Variants in ANK3 observed in about 807,000 individuals in gnomAD.
ANK3 encodes the protein ankyrin 3, also known as ankyrin-3.
Under a neutral mutation model 370.9 loss-of-function variants are expected in ANK3, and 57 were observed. The ratio of observed to expected loss-of-function variants is 0.15; its 90% CI spans 0.12 to 0.19. ANK3 has a LOEUF of 0.19. Among genes scored for constraint, ANK3 ranks in the 10% least tolerant of loss-of-function variants. The pLI is 1.00. For missense variants in ANK3, 4,439 were observed against 5,302.1 expected, an observed-to-expected ratio of 0.84 and a Z score of 5.06; for synonymous variants, 1,929 against 1,946.3, an observed-to-expected ratio of 0.99 and a Z score of 0.23.
chr10:60,502,058 A>G (rs147284060), intron 2 of ANK3, among the ~76,000 whole-genome samples: 267 of 152,028 alleles, frequency 1.8e-3, no homozygotes, highest in African/African-American at 6.1e-3. Flanking sequence ...AAATGACTAC[A>G]GGATACCCCA....
intron 2 of ANK3, among the ~76,000 whole-genome samples, chr10:60,472,976 C>T (rs1037466660): frequency 6.6e-6 from 1 of 152,158 alleles, no homozygotes; most frequent in Non-Finnish European, 1.5e-5. Context: ...ACAGTTCCCC[C>T]GTCCTTCCCC....
At chr10:60,370,212 C>T (rs1479480667) in intron 1 of ANK3, among the ~76,000 whole-genome samples, 9 of 152,092 alleles carry the variant, frequency 5.9e-5, no homozygotes, top group Non-Finnish European at 1.2e-4. Context: ...TAAGTGTAAT[C>T]GTGCCTATTT....
At position 60,073,461 on chromosome 10, in the gene ANK3, C is replaced by T; in HGVS notation, c.7420G>A (p.Asp2474Asn). 1 of 1,614,040 alleles carries T rather than the reference C, an allele frequency of 6.2e-7. No individual in the cohort carries two copies. Among genetic ancestry groups the T allele is most frequent in the Non-Finnish European group, 8.5e-7 (1 of 1,180,008 alleles). ...TCCTCAGTATCAGAATGAGACACAT[C>T]TAGCTTTTCTGACAGAAGCATTTTC... ...AEKMLLSEKL[D>N]VSHSDTEESV... Residue 2474 changes from aspartate (D) to asparagine (N), a missense_variant, in exon 37 of 44, where the codon GAT (aspartate) becomes AAT (asparagine). Physicochemically the swap from Asp to Asn is conservative, Grantham distance 23. This residue lies in a region of ANK3 where 1,601 missense variants were observed against 1,731.7 expected (regional missense o/e 0.92). Transcript: ENST00000280772.
chr10:60,674,197 T>C (rs1029721998), intron 1 of ANK3, among the ~76,000 whole-genome samples: 2 of 152,174 alleles, frequency 1.3e-5, no homozygotes, highest in South Asian at 4.1e-4. Flanking sequence ...TACAGTGAAA[T>C]AAAATGTTTA....
At chr10:60,622,100 T>C (rs950400313) in intron 1 of ANK3, among the ~76,000 whole-genome samples, 1 of 152,202 alleles carries the variant, frequency 6.6e-6, no homozygotes, top group African/African-American at 2.4e-5. Context: ...GGATGTAGAA[T>C]GGGTGAATGC....
Position 60,075,337 on chromosome 10 carries a change from T to G in ANK3, c.5544A>C (p.Ser1848=). Residue 1848 remains serine, a synonymous_variant, in exon 37 of 44, where the codon TCA becomes TCC. Transcript: ENST00000280772. The part of the protein sequence containing the change: ...KLPDSNSFTK[S]AAALLSPIKT... ...TAATGGGTGACAGCAAGGCTGCTGCTGATTTTGTAAATGAATTAGAGTCTG... is the reference window on the plus strand; with the variant it reads ...TAATGGGTGACAGCAAGGCTGCTGCGGATTTTGTAAATGAATTAGAGTCTG... The G allele has an allele frequency of 6.2e-7, 1 of 1,614,192 alleles. No individual in the cohort carries two copies. Among genetic ancestry groups the G allele is most frequent in the Non-Finnish European group, 8.5e-7 (1 of 1,180,024 alleles).
At chr10:60,232,997 A>C (rs1325400654) in intron 8 of ANK3, among the ~76,000 whole-genome samples, 1 of 152,246 alleles carries the variant, frequency 6.6e-6, no homozygotes, top group Non-Finnish European at 1.5e-5. Flanking sequence ...TTGCAGTTAC[A>C]AGAAAACTAC....
At chr10:60,405,775 GA>G (rs2063442881) in intron 2 of ANK3, among the ~76,000 whole-genome samples, 1 of 152,150 alleles carries the variant, frequency 6.6e-6, no homozygotes, top group African/African-American at 2.4e-5. Context: ...AATGTATAGA[GA>G]GATTGACAGA....
At chr10:60,725,305 C>T (rs1394376801) in intron 1 of ANK3, among the ~76,000 whole-genome samples, 4 of 152,138 alleles carry the variant, frequency 2.6e-5, no homozygotes, top group Admixed American at 2.6e-4. Context: ...GCAATGCTCA[C>T]TCAGTTACCT....
chr10:60,687,441 A>G (rs999334551), intron 1 of ANK3, among the ~76,000 whole-genome samples: 4 of 151,874 alleles, frequency 2.6e-5, no homozygotes, highest in Non-Finnish European at 5.9e-5. Flanking sequence ...ACAGGCACAC[A>G]AAAAAAATGC....
chr10:60,247,730 C>T (rs1221162303), intron 7 of ANK3, among the ~76,000 whole-genome samples: 3 of 152,032 alleles, frequency 2.0e-5, no homozygotes, highest in Non-Finnish European at 2.9e-5. Flanking sequence ...TGCAGTGGCG[C>T]GATCTTGGCT....
At chr10:60,240,873 G>A (rs1212812444) in intron 7 of ANK3, among the ~76,000 whole-genome samples, 1 of 152,244 alleles carries the variant, frequency 6.6e-6, no homozygotes, top group East Asian at 1.9e-4. Context: ...TTATAGGCAT[G>A]AGCCACCATG....
At chr10:60,269,772 C>G (rs572189825) in intron 5 of ANK3, among the ~76,000 whole-genome samples, 1 of 151,002 alleles carries the variant, frequency 6.6e-6, no homozygotes, top group South Asian at 2.1e-4. Flanking sequence ...CAATTTAAAA[C>G]TAATGTTTTA....
Position 60,259,041 on chromosome 10 carries a change from C to G in ANK3, c.798+2818G>C, listed in dbSNP as rs1487869446. On this transcript the variant is annotated intron_variant, in intron 7 of 43. Transcript: ENST00000280772. ...ATTTGATCCTGTCTGCATTCAGGGG[C>G]CTCTTACTTTCACCTGCTATTTCTG... 2.0e-5 allele frequency among the ~76,000 whole-genome samples: 3 copies of G among 152,184 alleles called. No individual in the cohort carries two copies. The East Asian group carries it at 5.8e-4, about 29-fold the overall frequency.
chr10:60,060,302 T>C (rs1325110231), intron 40 of ANK3: 2 of 190,304 alleles, frequency 1.1e-5, no homozygotes. Flanking sequence ...ATATATAAAG[T>C]TTATATATTT....
intron 2 of ANK3, among the ~76,000 whole-genome samples, chr10:60,428,316 T>C (rs1214019642): frequency 1.3e-5 from 2 of 152,158 alleles, no homozygotes; most frequent in Admixed American, 6.6e-5. Flanking sequence ...CTTGATTCTG[T>C]GCTCATCCTT....
At chr10:60,039,980 T>C (rs2075809246) in intron 43 of ANK3, among the ~76,000 whole-genome samples, 1 of 152,230 alleles carries the variant, frequency 6.6e-6, no homozygotes, top group Non-Finnish European at 1.5e-5. Context: ...GTCCGAGCCT[T>C]AATATCCTCA....
intron 43 of ANK3, among the ~76,000 whole-genome samples, chr10:60,042,395 T>C (rs1218298617): frequency 6.6e-6 from 1 of 152,232 alleles, no homozygotes; most frequent in Non-Finnish European, 1.5e-5. Context: ...GCCTTTACTC[T>C]TATCACTATT....
rs373099161 is a variant in ANK3, at chr10:60,253,909, G to A, written c.798+7950C>T. ...GATAAACATTCAAATGCCAAAAAAA[G>A]TCTGCTATAAGTGGTTTTTATTTTC... On this transcript the variant is annotated intron_variant, in intron 7 of 43. Coordinates refer to ENST00000280772, the MANE Select transcript of ANK3 (RefSeq NM_020987.5). 1.1e-4 allele frequency among the ~76,000 whole-genome samples: 16 copies of A among 152,312 alleles called. 1 individual carries two copies. Among genetic ancestry groups the A allele is most frequent in the Admixed American group, 3.3e-4 (5 of 15,302 alleles).
Sources: gnomAD v4.1 joint callset for allele counts (sites outside exome capture counted in the v4.1 genomes callset) on GRCh38, gnomAD v4.1.1 for gene constraint, gnomAD v4.1.1 regional missense constraint, MANE v1.5 for transcripts, NCBI Gene and HGNC (gene_info 2026-07-23, HGNC 2026-07-21) for gene names.